KAT14: variants seen among roughly 807,000 people sequenced by gnomAD.
KAT14 encodes lysine acetyltransferase 14.
In KAT14, 66 loss-of-function variants were observed where a neutral mutation model predicts 78.4. That is an observed-to-expected ratio of 0.84 (90% CI 0.69 to 1.03). The LOEUF is 1.03. KAT14 is among the 50% of genes least tolerant of loss of function. The probability of loss-of-function intolerance (pLI) is 0.00; values close to 1 mark genes in which losing one functional copy is unlikely to be tolerated. For missense variants in KAT14, 870 were observed against 972.5 expected (o/e 0.89, Z 1.40); for synonymous variants, 344 against 359.4 (o/e 0.96, Z 0.48).
chr20:18,158,978 G>A, intron 4 of KAT14, 106 bp from the exon 5 acceptor site: 1 of 1,315,720 alleles, frequency 7.6e-7, no homozygotes, highest in South Asian at 1.7e-5. Context: ...TCAGTAGCTG[G>A]AGGTGCCATT....
intron 1 of KAT14, among the ~76,000 whole-genome samples, chr20:18,138,889 T>C (rs372692540): frequency 6.6e-6 from 1 of 152,226 alleles, no homozygotes; most frequent in African/African-American, 2.4e-5. Flanking sequence ...TTCCAGAGTC[T>C]ATCAGTGATT....
intron 3 of KAT14, among the ~76,000 whole-genome samples, chr20:18,149,075 AAAG>A (rs1199857918): frequency 6.6e-6 from 1 of 152,382 alleles, no homozygotes; most frequent in Middle Eastern, 3.4e-3. Flanking sequence ...ATTATACAAA[AAAG>A]TCATAGAAAT....
upstream of KAT14, among the ~76,000 whole-genome samples, chr20:18,137,294 TATA>T (rs71194227): frequency 5.3e-5 from 8 of 150,292 alleles, no homozygotes; most frequent in East Asian, 2.0e-4. Flanking sequence ...GTATCAAAAT[TATA>T]ATAATAATAA....
chr20:18,187,588 C>A lies in KAT14; in HGVS notation c.*129C>A. 1.4e-6 allele frequency: 2 copies of A among 1,453,354 alleles called. No homozygotes were observed. Among genetic ancestry groups the A allele is most frequent in the Non-Finnish European group, 1.8e-6 (2 of 1,089,190 alleles). The allele number at this position is 1,453,354 out of a possible 1,614,324, so 90.0% of individuals were successfully genotyped here. Reference sequence around the variant, plus strand: ...TTACATGGTCCTTCAAACTCCCAACCAAAGTGAGAAAAGCGGCATGCAGTG... The same window carrying A: ...TTACATGGTCCTTCAAACTCCCAACAAAAGTGAGAAAAGCGGCATGCAGTG... On this transcript the variant is annotated 3_prime_UTR_variant, in exon 11 of 11. Transcript: ENST00000688188.
At chr20:18,160,985 G>A (rs2146423893) in intron 5 of KAT14, among the ~76,000 whole-genome samples, 1 of 152,136 alleles carries the variant, frequency 6.6e-6, no homozygotes, top group African/African-American at 2.4e-5. Flanking sequence ...GACCAGCCTG[G>A]CCAACATGAT....
At chr20:18,145,128 A>G (rs2037775858) in intron 2 of KAT14, 105 bp from the exon 3 acceptor site, 2 of 1,189,130 alleles carry the variant, frequency 1.7e-6, no homozygotes, top group East Asian at 2.5e-5. Flanking sequence ...GCTGAAGAAA[A>G]GAAGACAACA....
Position 18,162,014 on chromosome 20 carries a change from T to C in KAT14, c.874T>C (p.Phe292Leu), listed in dbSNP as rs1049432206. ...DRSTSSTPVK[F>L]ISRGRRPDVI... ...GAGCACATCTTCTACCCCTGTAAAA[T>C]TCATAAGCCGAGGCCGCAGGCCAGA... Residue 292 changes from phenylalanine (F) to leucine (L), a missense_variant, in exon 6 of 11, where the codon TTC becomes CTC. Phe to Leu is a conservative substitution (Grantham distance 22). Transcript: ENST00000688188. 2 of 1,614,104 alleles carry C rather than the reference T, an allele frequency of 1.2e-6. No individual in the cohort carries two copies. The highest frequency in any genetic ancestry group is 2.7e-5 in the African/African-American group (2 of 74,940).
intron 5 of KAT14, 30 bp from the exon 6 acceptor site, chr20:18,161,793 A>G: frequency 6.3e-7 from 1 of 1,596,788 alleles, no homozygotes. Context: ...GATGAGGGAT[A>G]CTCAGCCTGT....
intron 10 of KAT14, 22 bp downstream of exon 10, chr20:18,184,814 T>C (rs764060277): frequency 6.3e-7 from 1 of 1,586,244 alleles, no homozygotes; most frequent in South Asian, 1.1e-5. Context: ...ATGTTTATGA[T>C]TTATCACCTG....
At chr20:18,140,862 CTATT>C (rs1256006465) in intron 1 of KAT14, among the ~76,000 whole-genome samples, 5 of 147,982 alleles carry the variant, frequency 3.4e-5, no homozygotes, top group Non-Finnish European at 7.4e-5. Flanking sequence ...AAAAAAAACC[CTATT>C]TATTTATTTT....
At chr20:18,145,197 A>T in intron 2 of KAT14, 36 bp from the exon 3 acceptor site, 1 of 1,610,512 alleles carries the variant, frequency 6.2e-7, no homozygotes, top group Non-Finnish European at 8.5e-7. Context: ...GCTGCTCTAG[A>T]TAAACCCATG....
At chr20:18,156,671 T>A (rs1017554452) in intron 4 of KAT14, among the ~76,000 whole-genome samples, 2 of 151,838 alleles carry the variant, frequency 1.3e-5, no homozygotes, top group African/African-American at 2.4e-5. Context: ...AGGGAGAGAG[T>A]ATTTTATGCC....
chr20:18,166,243 A>G (rs2146452491), intron 7 of KAT14, among the ~76,000 whole-genome samples: 1 of 152,192 alleles, frequency 6.6e-6, no homozygotes, highest in East Asian at 1.9e-4. Context: ...GGTCGTCCTT[A>G]CTGCTGTGTC....
Position 18,142,680 on chromosome 20 carries a change from T to C in KAT14, c.20T>C (p.Leu7Pro). The change falls in exon 2 of 11, where the codon CTG becomes CCG. Residue 7 changes from leucine (L) to proline (P), a missense_variant. By Grantham distance (98) the Leu-to-Pro change is moderately conservative (BLOSUM62 -3). Transcript: ENST00000688188. MDSSIH[L>P]SSLISRHDDE... ...GAAGGGATGGATAGTAGCATCCACC[T>C]GAGTAGTCTGATCAGTCGGCATGAT... 6.2e-7 allele frequency: 1 copy of C among 1,614,178 alleles called. No individual in the cohort carries two copies. Among genetic ancestry groups the C allele is most frequent in the Non-Finnish European group, 8.5e-7 (1 of 1,180,042 alleles).
chr20:18,150,463 G>A (rs912952898), intron 3 of KAT14, among the ~76,000 whole-genome samples: 2 of 152,130 alleles, frequency 1.3e-5, no homozygotes, highest in Non-Finnish European at 2.9e-5. Flanking sequence ...GGTACCCCTT[G>A]ATTTAGGACT....
chr20:18,138,021 C>T lies in KAT14; in HGVS notation c.-484C>T. 1 of 1,495,330 alleles carries T rather than the reference C, an allele frequency of 6.7e-7. No individual in the cohort carries two copies. Among genetic ancestry groups the T allele is most frequent in the Non-Finnish European group, 8.9e-7 (1 of 1,128,930 alleles). 92.6% of individuals were successfully genotyped at this position (1,495,330 alleles called of 1,614,324 possible). A position where few individuals can be genotyped will look rare whatever the true frequency, so the allele number is the denominator to read the frequency against. ...TGCTGACGGCGGCCACAGTGGCCGGCGTACATGTGAAGCAGCAGTGGGACC... is the reference window on the plus strand; with the variant it reads ...TGCTGACGGCGGCCACAGTGGCCGGTGTACATGTGAAGCAGCAGTGGGACC... On this transcript the variant is annotated 5_prime_UTR_variant, in exon 1 of 11. Transcript: ENST00000688188.
chr20:18,152,642 A>C (rs531996515), intron 4 of KAT14, among the ~76,000 whole-genome samples: 7 of 152,256 alleles, frequency 4.6e-5, no homozygotes, highest in Non-Finnish European at 8.8e-5. Flanking sequence ...AGGACAAGAC[A>C]GGAAAAATAA....
upstream of KAT14, chr20:18,137,755 C>T (rs2037345813): frequency 2.0e-6 from 1 of 492,904 alleles, no homozygotes; most frequent in South Asian, 4.0e-5. Flanking sequence ...CTAGTGAAGC[C>T]AAGAGTTCGT....
chr20:18,187,607 T>A lies in KAT14; in HGVS notation c.*148T>A. 7.4e-7 allele frequency: 1 copy of A among 1,343,196 alleles called. No individual in the cohort carries two copies. Among genetic ancestry groups the A allele is most frequent in the Non-Finnish European group, 1.0e-6 (1 of 1,003,960 alleles). The allele number at this position is 1,343,196 out of a possible 1,614,324, so 83.2% of individuals were successfully genotyped here. ...CCCAACCAAAGTGAGAAAAGCGGCATGCAGTGAAATGAGCAGTGAGCAGCC... is the reference window on the plus strand; with the variant it reads ...CCCAACCAAAGTGAGAAAAGCGGCAAGCAGTGAAATGAGCAGTGAGCAGCC... On this transcript the variant is annotated 3_prime_UTR_variant, in exon 11 of 11. Coordinates refer to ENST00000688188, the MANE Select transcript of KAT14 (RefSeq NM_001392073.1).
Sources: gnomAD v4.1 joint callset for allele counts (sites outside exome capture counted in the v4.1 genomes callset) on GRCh38, gnomAD v4.1.1 for gene constraint, MANE v1.5 for transcripts, NCBI Gene and HGNC (gene_info 2026-07-23, HGNC 2026-07-21) for gene names.